The following DLGAP1 variants were observed in gnomAD, a reference collection of about 807,000 sequenced individuals.
The protein encoded by DLGAP1 is disks large-associated protein 1.
In DLGAP1, 11 loss-of-function variants were observed where a neutral mutation model predicts 90.8. The ratio of observed to expected loss-of-function variants is 0.12; its 90% CI spans 0.08 to 0.20. The LOEUF (loss-of-function observed/expected upper bound fraction) is 0.20. DLGAP1 is among the 10% of genes least tolerant of loss of function. The probability of loss-of-function intolerance (pLI) is 1.00; values close to 1 mark genes in which losing one functional copy is unlikely to be tolerated. For synonymous variants in DLGAP1, 558 were observed against 540.7 expected (o/e 1.03, Z -0.44); for missense variants, 1,050 against 1,333.8 (o/e 0.79, Z 3.31).
At position 3,598,557 on chromosome 18, in the gene DLGAP1, TCC is replaced by T. The variant is rs2056724981; in HGVS notation, c.1592-16311_1592-16310del. On this transcript the variant is annotated intron_variant, in intron 7 of 12. Transcript: ENST00000315677. Reference sequence around the variant, plus strand: ...ATCTTGGCTCACTGCATCCTCTGCCTCCTGGGTTCAAGCTATTCTCCTGACTC... The same window carrying T: ...ATCTTGGCTCACTGCATCCTCTGCCTTGGGTTCAAGCTATTCTCCTGACTC... Among the ~76,000 whole-genome samples the T allele has an allele frequency of 2.1e-5, 3 of 142,070 alleles. No individual in the cohort carries two copies. In the Admixed American group the frequency reaches 2.3e-4, roughly 11 times the overall value. The allele number at this position is 142,070 out of a possible 152,430, so 93.2% of individuals were successfully genotyped here.
intron 2 of DLGAP1, among the ~76,000 whole-genome samples, chr18:4,019,752 G>A (rs2074578317): frequency 6.6e-6 from 1 of 152,060 alleles, no homozygotes; most frequent in Non-Finnish European, 1.5e-5. Context: ...TTTAACCAGG[G>A]TACCTGGCTA....
At chr18:3,947,804 T>C (rs923637670) in intron 3 of DLGAP1, among the ~76,000 whole-genome samples, 1 of 152,202 alleles carries the variant, frequency 6.6e-6, no homozygotes, top group East Asian at 1.9e-4. Context: ...CAACAAGCCA[T>C]GATCTCAGAG....
chr18:3,651,998 A>C (rs573333039), intron 7 of DLGAP1, among the ~76,000 whole-genome samples: 11 of 144,736 alleles, frequency 7.6e-5, no homozygotes, highest in Admixed American at 3.4e-4. Flanking sequence ...ACAACAACAA[A>C]AAACAAAAAG....
At chr18:3,996,586 C>T (rs966656134) in intron 3 of DLGAP1, among the ~76,000 whole-genome samples, 1 of 151,894 alleles carries the variant, frequency 6.6e-6, no homozygotes, top group Non-Finnish European at 1.5e-5. Context: ...TAATATTTCT[C>T]ATTAATAATT....
At chr18:3,771,559 C>G (rs906025740) in intron 5 of DLGAP1, 3 of 152,226 alleles carry the variant, frequency 2.0e-5, no homozygotes, top group African/African-American at 4.8e-5. Flanking sequence ...CGGGACGTGC[C>G]GTGTGTACTG....
intron 7 of DLGAP1, among the ~76,000 whole-genome samples, chr18:3,626,839 C>A (rs1370316270): frequency 6.6e-6 from 1 of 151,822 alleles, no homozygotes; most frequent in Non-Finnish European, 1.5e-5. Context: ...GCGGAGGCTG[C>A]AGTGAGCTGA....
chr18:4,372,121 A>G (rs1157615178), intron 1 of DLGAP1, among the ~76,000 whole-genome samples: 1 of 98,258 alleles, frequency 1.0e-5, no homozygotes, highest in African/African-American at 3.5e-5. Context: ...TAAGATGGAG[A>G]TAGATGGGAG....
intron 7 of DLGAP1, among the ~76,000 whole-genome samples, chr18:3,617,854 G>T (rs185468902): frequency 6.6e-6 from 1 of 151,830 alleles, no homozygotes; most frequent in Admixed American, 6.6e-5. Context: ...GGGCAACATG[G>T]TGAAACCCCA....
At chr18:3,977,434 G>GTGTTTT (rs1555718019) in intron 3 of DLGAP1, among the ~76,000 whole-genome samples, 11 of 95,330 alleles carry the variant, frequency 1.2e-4, no homozygotes, top group African/African-American at 4.6e-4. Flanking sequence ...TTTATTCTGT[G>GTGTTTT]TTTTTTTTTT....
At chr18:4,405,850 A>G (rs1383949928) in intron 1 of DLGAP1, among the ~76,000 whole-genome samples, 3 of 152,190 alleles carry the variant, frequency 2.0e-5, no homozygotes, top group African/African-American at 7.2e-5. Context: ...CCAGTTGTCC[A>G]AGTTCTTTGC....
intron 4 of DLGAP1, chr18:3,874,883 C>T (rs1014955543): frequency 7.2e-6 from 6 of 829,258 alleles, no homozygotes; most frequent in African/African-American, 3.5e-5. Flanking sequence ...TACAATTGAC[C>T]GTATTAACTG....
chr18:3,965,768 C>T (rs1470697702), intron 3 of DLGAP1, among the ~76,000 whole-genome samples: 8 of 151,492 alleles, frequency 5.3e-5, no homozygotes, highest in East Asian at 2.0e-4. Flanking sequence ...GCTAACATGG[C>T]GAAACCCCAT....
rs1226549685 is a variant in DLGAP1, at chr18:3,499,588, C to T, written c.2725-194G>A. On this transcript the variant is annotated intron_variant, in intron 12 of 12. Coordinates refer to ENST00000315677, the MANE Select transcript of DLGAP1 (RefSeq NM_004746.4). The surrounding 1 kb of genome is among the most constrained non-coding windows in gnomAD (Gnocchi z 6.4). The stretch of plus-strand genomic sequence containing the variant: ...AAAAGATGCAGAAAAAAAAAAATCC[C>T]GGTAAGCTTAAGGCCCAGGGTAAGG... Among the ~76,000 whole-genome samples the T allele has an allele frequency of 2.0e-5, 3 of 152,010 alleles. No homozygotes were observed. Among genetic ancestry groups the T allele is most frequent in the East Asian group, 1.9e-4 (1 of 5,158 alleles).
At chr18:4,371,898 A>G (rs570416998) in intron 1 of DLGAP1, among the ~76,000 whole-genome samples, 92 of 152,340 alleles carry the variant, frequency 6.0e-4, no homozygotes, top group African/African-American at 2.2e-3. Flanking sequence ...GCCACAAAGA[A>G]GGACAAAGTA....
intron 2 of DLGAP1, among the ~76,000 whole-genome samples, chr18:4,061,957 A>G (rs1217426339): frequency 6.6e-6 from 1 of 152,108 alleles, no homozygotes; most frequent in Non-Finnish European, 1.5e-5. Flanking sequence ...AACTTTAGAG[A>G]TTGTGACATT....
At chr18:4,234,290 C>T (rs995295364) in intron 1 of DLGAP1, among the ~76,000 whole-genome samples, 1 of 152,044 alleles carries the variant, frequency 6.6e-6, no homozygotes, top group Non-Finnish European at 1.5e-5. Context: ...TTAGCCATGA[C>T]ACTTACATAC....
At chr18:4,283,636 T>A (rs1041610450) in intron 1 of DLGAP1, among the ~76,000 whole-genome samples, 2 of 152,048 alleles carry the variant, frequency 1.3e-5, no homozygotes, top group African/African-American at 2.4e-5. Flanking sequence ...ATCAATAGAG[T>A]TTATAAAGAA....
chr18:4,000,009 C>T (rs2074149714), intron 3 of DLGAP1, among the ~76,000 whole-genome samples: 2 of 152,120 alleles, frequency 1.3e-5, no homozygotes, highest in Admixed American at 1.3e-4. Context: ...GAATAGGGTT[C>T]TCACTTTGTT....
intron 1 of DLGAP1, among the ~76,000 whole-genome samples, chr18:4,423,324 CATTAAT>C (rs1174062207): frequency 7.2e-5 from 11 of 152,102 alleles, no homozygotes; most frequent in Admixed American, 3.9e-4. Flanking sequence ...AGAACATCTG[CATTAAT>C]ATTAAGGTGA....
Sources: gnomAD v4.1 joint callset for allele counts (sites outside exome capture counted in the v4.1 genomes callset) on GRCh38, gnomAD v4.1.1 for gene constraint, Gnocchi (gnomAD v3.1) non-coding constraint, MANE v1.5 for transcripts, NCBI Gene and HGNC (gene_info 2026-07-23, HGNC 2026-07-21) for gene names.